ACER1: variants seen among roughly 807,000 people sequenced by gnomAD.
The protein encoded by ACER1 is alkaline ceramidase 1.
Under a neutral mutation model 24.9 loss-of-function variants are expected in ACER1, and 28 were observed. The ratio of observed to expected loss-of-function variants is 1.13; its 90% CI spans 0.83 to 1.54. The LOEUF (loss-of-function observed/expected upper bound fraction) is 1.54. ACER1 is among the 40% of genes most tolerant of loss of function. The pLI, the probability that ACER1 is intolerant of heterozygous loss-of-function variation, is 0.00. For missense variants in ACER1, 352 were observed against 349.3 expected (o/e 1.01, Z -0.06); for synonymous variants, 132 against 131.4 (o/e 1.00, Z -0.03).
intron 1 of ACER1, among the ~76,000 whole-genome samples, chr19:6,319,529 T>G (rs72981987): frequency 0.26 from 38,795 of 151,914 alleles, 6,106 homozygotes; most frequent in Non-Finnish European, 0.36. Flanking sequence ...ATTCATTCAT[T>G]CATTTGTCCA....
At chr19:6,355,808 GC>G in the ACER1 span, among the ~76,000 whole-genome samples, 1 of 145,540 alleles carries the variant, frequency 6.9e-6, no homozygotes, top group Non-Finnish European at 1.5e-5. Context: ...GGGGGGTTCA[GC>G]CCCCCGCCCG....
chr19:6,344,915 G>A, the ACER1 span, among the ~76,000 whole-genome samples: 5 of 150,884 alleles, frequency 3.3e-5, no homozygotes, highest in Non-Finnish European at 7.4e-5. Context: ...ATCCAGGCTG[G>A]AGTGCAGTGG....
intron 1 of ACER1, among the ~76,000 whole-genome samples, chr19:6,322,322 G>A (rs546502550): frequency 2.6e-4 from 40 of 152,322 alleles, no homozygotes; most frequent in African/African-American, 9.1e-4. Flanking sequence ...GAAATATTAT[G>A]CAGCTATTTA....
the ACER1 span, chr19:6,360,023 G>A: frequency 6.6e-6 from 1 of 152,076 alleles, no homozygotes; most frequent in Non-Finnish European, 1.5e-5. Flanking sequence ...GGCTTGAGAA[G>A]GTGTGGCAAA....
chr19:6,351,146 C>A, the ACER1 span, among the ~76,000 whole-genome samples: 1 of 151,788 alleles, frequency 6.6e-6, no homozygotes, highest in South Asian at 2.1e-4. Context: ...GCGGGCGGAT[C>A]ACGAGGTCAA....
chr19:6,318,558 A>T lies in ACER1; in HGVS notation c.94-6059T>A, dbSNP rs1017465628. 8.7e-5 allele frequency among the ~76,000 whole-genome samples: 13 copies of T among 149,306 alleles called. No homozygotes were observed. The Admixed American group carries it at 8.8e-4, about 10-fold the overall frequency. On this transcript the variant is annotated intron_variant, in intron 1 of 5. Transcript: ENST00000301452. Reference sequence around the variant, plus strand: ...TTTGGAAAGCTCAGGCAGGCGGATCATGAGGTCACGAGATCGAGACCATCC... The same window carrying T: ...TTTGGAAAGCTCAGGCAGGCGGATCTTGAGGTCACGAGATCGAGACCATCC...
intron 1 of ACER1, among the ~76,000 whole-genome samples, chr19:6,329,604 T>C (rs2091678140): frequency 6.6e-6 from 1 of 152,116 alleles, no homozygotes; most frequent in Non-Finnish European, 1.5e-5. Flanking sequence ...TTATTTTATC[T>C]GGGGACAGGC....
upstream of ACER1, among the ~76,000 whole-genome samples, chr19:6,337,329 G>A (rs1279764201): frequency 1.3e-5 from 2 of 152,050 alleles, no homozygotes; most frequent in Non-Finnish European, 2.9e-5. Context: ...CCCTTCATTA[G>A]GCAACAATAT....
intron 1 of ACER1, among the ~76,000 whole-genome samples, chr19:6,330,550 A>G (rs2091682255): frequency 1.3e-5 from 2 of 149,892 alleles, no homozygotes; most frequent in Non-Finnish European, 2.9e-5. Flanking sequence ...GCCTCAAGTG[A>G]TCCTCCTGTC....
chr19:6,314,767 TATACCTGCGTTC>T (rs1261321026), intron 1 of ACER1, among the ~76,000 whole-genome samples: 7 of 152,184 alleles, frequency 4.6e-5, no homozygotes, highest in African/African-American at 1.7e-4. Flanking sequence ...TATACTAAAA[TATACCTGCGTTC>T]ATATGTTTAT....
the ACER1 span, among the ~76,000 whole-genome samples, chr19:6,345,207 T>C: frequency 2.6e-5 from 4 of 151,986 alleles, no homozygotes; most frequent in Non-Finnish European, 4.4e-5. Flanking sequence ...CGTGTGTTGT[T>C]TGTAAATGAA....
intron 1 of ACER1, among the ~76,000 whole-genome samples, chr19:6,324,839 AG>A (rs2091651438): frequency 2.8e-5 from 4 of 141,906 alleles, no homozygotes; most frequent in Non-Finnish European, 4.6e-5. Context: ...GAAGGAAGGA[AG>A]GAAGGAAAGA....
Position 6,312,212 on chromosome 19 carries a change from A to G in ACER1, c.287T>C (p.Leu96Pro). Residue 96 changes from leucine (L) to proline (P), a missense_variant, in exon 3 of 6, where the codon CTG (leucine) becomes CCG (proline). Transcript: ENST00000301452. Reference sequence around the variant, plus strand: ...CATCCATATGCTATAGCCACTGCCCAGGAGCCACAGGATGGCGATCTCGTC... The same window carrying G: ...CATCCATATGCTATAGCCACTGCCCGGGAGCCACAGGATGGCGATCTCGTC... ...LLDEIAILWL[L>P]GSGYSIWMPR... The G allele has an allele frequency of 6.2e-7, 1 of 1,614,054 alleles. No individual in the cohort carries two copies. The highest frequency in any genetic ancestry group is 8.5e-7 in the Non-Finnish European group (1 of 1,179,922).
At chr19:6,321,214 C>A (rs2091629122) in intron 1 of ACER1, among the ~76,000 whole-genome samples, 1 of 151,902 alleles carries the variant, frequency 6.6e-6, no homozygotes, top group South Asian at 2.1e-4. Context: ...TGGCTCACTG[C>A]AACCTCCGCC....
chr19:6,310,378 C>T (rs147683322), intron 3 of ACER1, among the ~76,000 whole-genome samples: 9 of 152,146 alleles, frequency 5.9e-5, no homozygotes, highest in Non-Finnish European at 1.2e-4. Context: ...TGAGTCACTG[C>T]GCCTGGCCCT....
intron 3 of ACER1, among the ~76,000 whole-genome samples, chr19:6,311,640 AAGAAGAAGGAGAAGGAGG>A (rs2091581944): frequency 1.3e-5 from 2 of 149,038 alleles, no homozygotes; most frequent in African/African-American, 5.1e-5. Context: ...GGAGAAGAAG[AAGAAGAAGGAGAAGGAGG>A]AGGAGAAGGA....
the ACER1 span, among the ~76,000 whole-genome samples, chr19:6,346,741 T>G: frequency 1.3e-5 from 2 of 151,826 alleles, no homozygotes; most frequent in African/African-American, 4.8e-5. Context: ...AGCCGCTGTT[T>G]TCCATCAGTC....
intron 1 of ACER1, among the ~76,000 whole-genome samples, chr19:6,327,527 T>C (rs1276114216): frequency 6.6e-6 from 1 of 151,728 alleles, no homozygotes; most frequent in Non-Finnish European, 1.5e-5. Flanking sequence ...ATCAGGCCAC[T>C]GCACTCCAGC....
At chr19:6,322,554 C>T (rs561371171) in intron 1 of ACER1, among the ~76,000 whole-genome samples, 7 of 152,202 alleles carry the variant, frequency 4.6e-5, no homozygotes, top group East Asian at 1.9e-4. Flanking sequence ...GCTGACTCCT[C>T]GGGTGTTTTC....
Sources: allele counts gnomAD v4.1 joint callset (sites outside exome capture counted in the v4.1 genomes callset), GRCh38; gene constraint gnomAD v4.1.1; transcripts MANE v1.5; gene names NCBI Gene and HGNC (gene_info 2026-07-23, HGNC 2026-07-21).